ZFP90: variants seen among roughly 807,000 people sequenced by gnomAD.
The protein encoded by ZFP90 is zinc finger protein 90 homolog.
In ZFP90, 38 loss-of-function variants were observed where a neutral mutation model predicts 60.8. That is an observed-to-expected ratio of 0.62 (90% CI 0.48 to 0.82). The LOEUF is 0.82. Ranked by LOEUF, ZFP90 falls within the 40% of genes least tolerant of loss-of-function variation. The pLI, the probability that ZFP90 is intolerant of heterozygous loss-of-function variation, is 0.00. For missense variants in ZFP90, 711 were observed against 759.1 expected (o/e 0.94, Z 0.74); for synonymous variants, 287 against 264.8 (o/e 1.08, Z -0.82).
intron 2 of ZFP90, among the ~76,000 whole-genome samples, chr16:68,573,222 T>G (rs1226675928): frequency 6.6e-6 from 1 of 152,168 alleles, no homozygotes; most frequent in Non-Finnish European, 1.5e-5. Flanking sequence ...AAACTCACCT[T>G]GAGACTGGTT....
chr16:68,534,020 C>T (rs1002864841), intron 2 of ZFP90, among the ~76,000 whole-genome samples: 1 of 152,026 alleles, frequency 6.6e-6, no homozygotes, highest in Non-Finnish European at 1.5e-5. Context: ...CAGCCTTTAT[C>T]TTCTCAAATA....
chr16:68,543,841 G>A (rs1422074228), intron 2 of ZFP90, among the ~76,000 whole-genome samples: 1 of 148,588 alleles, frequency 6.7e-6, no homozygotes. Context: ...TTATAGGCGT[G>A]AGCCACTGTG....
intron 2 of ZFP90, among the ~76,000 whole-genome samples, chr16:68,541,033 T>C (rs1447188041): frequency 1.3e-5 from 2 of 151,312 alleles, no homozygotes; most frequent in Non-Finnish European, 2.9e-5. Context: ...AATTTTTGTA[T>C]TTTTTGGTTT....
chr16:68,539,439 A>C lies in ZFP90; in HGVS notation c.-76A>C. 1 of 348,978 alleles carries C rather than the reference A, an allele frequency of 2.9e-6. No homozygotes were observed. The highest frequency in any genetic ancestry group is 5.2e-6 in the Non-Finnish European group (1 of 192,450). The allele number at this position is 348,978 out of a possible 1,614,324, so 21.6% of individuals were successfully genotyped here. On this transcript the variant is annotated 5_prime_UTR_variant, in exon 1 of 5. Transcript: ENST00000563169. The stretch of plus-strand genomic sequence containing the variant: ...CTGCCCGAGGCTCTGGGTGGGCCGG[A>C]GGTCGCGAAATCCGGAGCCCCCCAG...
chr16:68,548,474 C>CTTTTTTTT lies in ZFP90; in HGVS notation c.33+8672_33+8679dup, dbSNP rs551779570. On this transcript the variant is annotated intron_variant, in intron 2 of 4. Coordinates refer to ENST00000563169, the MANE Select transcript of ZFP90 (RefSeq NM_001305203.2). ...ATATTTCACTGTTCTGTTTATCCTCCTTTTTTTTTTTTTTTTTTTTTTTTT... is the reference window on the plus strand; with the variant it reads ...ATATTTCACTGTTCTGTTTATCCTCCTTTTTTTTTTTTTTTTTTTTTTTTTTTTTTTTT... Among the ~76,000 whole-genome samples the CTTTTTTTT allele has an allele frequency of 1.7e-4, 14 of 81,046 alleles. 2 individuals carry two copies. The highest frequency in any genetic ancestry group is 6.3e-4 in the African/African-American group (12 of 18,984). 53.2% of individuals were successfully genotyped at this position (81,046 alleles called of 152,430 possible).
At chr16:68,535,438 G>C (rs1372541803), upstream of ZFP90, 1 of 152,150 alleles carries the variant, frequency 6.6e-6, no homozygotes, top group African/African-American at 2.4e-5. Flanking sequence ...TCTCCTATTA[G>C]ATACCCTGCT....
chr16:68,557,860 TTATG>T (rs2091370577), intron 2 of ZFP90, 134 bp from the exon 3 acceptor site: 2 of 1,197,152 alleles, frequency 1.7e-6, no homozygotes, highest in Non-Finnish European at 2.4e-6. Flanking sequence ...AACAATAAGT[TTATG>T]TAACCCAACA....
chr16:68,543,004 T>G (rs1379579716), intron 2 of ZFP90, among the ~76,000 whole-genome samples: 1 of 151,898 alleles, frequency 6.6e-6, no homozygotes, highest in Admixed American at 6.6e-5. Context: ...GGAAAAAAGG[T>G]AGAGAAAGGT....
chr16:68,539,573 G>C lies in ZFP90; in HGVS notation c.-36+94G>C. ...CGAAGGGGACTGGGCGTGGCCGGAG[G>C]GGGGTGTCCGGGAGGCCGCTGAGCC... On this transcript the variant is annotated intron_variant, in intron 1 of 4. Coordinates refer to ENST00000563169, the MANE Select transcript of ZFP90 (RefSeq NM_001305203.2). 1.3e-5 allele frequency: 7 copies of C among 544,292 alleles called. No individual in the cohort carries two copies. The South Asian group carries it at 1.8e-4, about 14-fold the overall frequency. The allele number at this position is 544,292 out of a possible 1,614,324, so 33.7% of individuals were successfully genotyped here.
chr16:68,562,326 C>T (rs974729647), intron 4 of ZFP90: 4 of 152,172 alleles, frequency 2.6e-5, no homozygotes, highest in African/African-American at 9.7e-5. Flanking sequence ...GTTCTTAAAC[C>T]CTAAAAATCA....
chr16:68,567,481 A>G (rs183443361), downstream of ZFP90, among the ~76,000 whole-genome samples: 16 of 152,302 alleles, frequency 1.1e-4, no homozygotes, highest in East Asian at 2.5e-3. Context: ...TCAGCTAATC[A>G]GAGTCCTTTG....
chr16:68,558,653 T>C, intron 4 of ZFP90, 85 bp downstream of exon 4: 1 of 1,252,044 alleles, frequency 8.0e-7, no homozygotes, highest in Middle Eastern at 1.8e-4. Flanking sequence ...AGCAGCTGGC[T>C]TGCGATCTCC....
downstream of ZFP90, among the ~76,000 whole-genome samples, chr16:68,568,144 C>G (rs2091548249): frequency 1.3e-5 from 2 of 152,290 alleles, no homozygotes; most frequent in South Asian, 4.1e-4. Flanking sequence ...TTTTCCTACA[C>G]TAGATGGTGA....
intron 2 of ZFP90, among the ~76,000 whole-genome samples, chr16:68,545,802 G>A (rs1382620540): frequency 6.6e-6 from 1 of 152,140 alleles, no homozygotes; most frequent in Non-Finnish European, 1.5e-5. Context: ...GTGACTGAGC[G>A]AGACTCCGTC....
rs531214227 is a variant in ZFP90, at chr16:68,559,839, C to G, written c.256+1271C>G. On this transcript the variant is annotated intron_variant, in intron 4 of 4. Transcript: ENST00000563169. ...CCACCCACCTTGGCCTCCCAAAGTT[C>G]TGGGATTACAAGCATGAGTGACCAC... Among the ~76,000 whole-genome samples, 10 of 152,266 alleles carry G rather than the reference C, an allele frequency of 6.6e-5. No homozygotes were observed. In the South Asian group the frequency reaches 2.1e-3, roughly 32 times the overall value.
chr16:68,560,901 A>C (rs1286223174), intron 4 of ZFP90, among the ~76,000 whole-genome samples: 1 of 137,286 alleles, frequency 7.3e-6, no homozygotes, highest in Non-Finnish European at 1.5e-5. Context: ...TTTTTTTCCG[A>C]GATGGAATCT....
chr16:68,571,806 A>G (rs984027088), downstream of ZFP90, among the ~76,000 whole-genome samples: 33 of 35,350 alleles, frequency 9.3e-4, no homozygotes, highest in Middle Eastern at 0.021. Flanking sequence ...AATTGTTAAA[A>G]GAAAAAGTCT....
chr16:68,557,755 C>G (rs960683246), intron 2 of ZFP90, among the ~76,000 whole-genome samples: 3 of 149,890 alleles, frequency 2.0e-5, no homozygotes, highest in Non-Finnish European at 4.4e-5. Flanking sequence ...TGAAAGAAAC[C>G]AAGAAGATAG....
At chr16:68,551,216 A>G (rs939800838) in intron 2 of ZFP90, among the ~76,000 whole-genome samples, 21 of 152,126 alleles carry the variant, frequency 1.4e-4, no homozygotes, top group African/African-American at 5.1e-4. Context: ...AACTCATGTT[A>G]TTGATGAGGT....
Sources: gnomAD v4.1 joint callset for allele counts (sites outside exome capture counted in the v4.1 genomes callset) on GRCh38, gnomAD v4.1.1 for gene constraint, MANE v1.5 for transcripts, NCBI Gene and HGNC (gene_info 2026-07-23, HGNC 2026-07-21) for gene names.